RTTN: variants seen among roughly 807,000 people sequenced by gnomAD.
The protein encoded by RTTN is rotatin.
Under a neutral mutation model 269.2 loss-of-function variants are expected in RTTN, and 182 were observed. The ratio of observed to expected loss-of-function variants is 0.68; its 90% CI spans 0.60 to 0.76. RTTN has a LOEUF of 0.76. RTTN is among the 30% of genes least tolerant of loss of function. RTTN has a pLI of 0.00. For synonymous variants in RTTN, 1,006 were observed against 963.5 expected, an observed-to-expected ratio of 1.04 and a Z score of -0.82; for missense variants, 2,545 against 2,608.6, an observed-to-expected ratio of 0.98 and a Z score of 0.53.
At chr18:70,118,973 T>G (rs968838231) in intron 26 of RTTN, among the ~76,000 whole-genome samples, 2 of 152,056 alleles carry the variant, frequency 1.3e-5, no homozygotes, top group African/African-American at 2.4e-5. Context: ...ACAGCTAACA[T>G]CATTCTCAAT....
chr18:70,042,414 C>G (rs528987808), intron 40 of RTTN, among the ~76,000 whole-genome samples: 113 of 116,432 alleles, frequency 9.7e-4, no homozygotes, highest in Admixed American at 4.1e-3. Context: ...CTCGCTCTGT[C>G]GCCCAGGATA....
intron 32 of RTTN, among the ~76,000 whole-genome samples, chr18:70,080,918 G>A (rs1436842213): frequency 7.0e-6 from 1 of 142,104 alleles, no homozygotes; most frequent in African/African-American, 2.6e-5. Context: ...ATAAACTGGT[G>A]TGTGTGGTAT....
intron 11 of RTTN, among the ~76,000 whole-genome samples, chr18:70,171,337 A>G (rs960686415): frequency 6.6e-6 from 1 of 152,232 alleles, no homozygotes; most frequent in Non-Finnish European, 1.5e-5. Context: ...GTTCTAGTTT[A>G]AGAGAGTTCT....
chr18:70,030,828 T>C (rs1475611726), intron 41 of RTTN, 48 bp downstream of exon 41: 7 of 1,342,696 alleles, frequency 5.2e-6, no homozygotes, highest in African/African-American at 4.4e-5. Flanking sequence ...CAACAAAACA[T>C]ATGAATTGAT....
rs921101519 is a variant in RTTN at position 70,182,446 on chromosome 18, T to G, written c.1306-5601A>C. 7.2e-5 allele frequency among the ~76,000 whole-genome samples: 11 copies of G among 152,188 alleles called. No homozygotes were observed. The South Asian group carries it at 8.3e-4, about 11-fold the overall frequency. ...ACGTAAGAGTCAATATATATTTTTATGACTAATAAATTTTGATTCTACTGC... is the reference window on the plus strand; with the variant it reads ...ACGTAAGAGTCAATATATATTTTTAGGACTAATAAATTTTGATTCTACTGC... On this transcript the variant is annotated intron_variant, in intron 10 of 48. Coordinates refer to ENST00000640769, the MANE Select transcript of RTTN (RefSeq NM_173630.4).
At chr18:70,008,725 G>C (rs1207134486) in intron 46 of RTTN, 2 of 151,594 alleles carry the variant, frequency 1.3e-5, no homozygotes, top group Non-Finnish European at 2.9e-5. Flanking sequence ...AAAAGAAAAG[G>C]AATGAACAAA....
chr18:70,146,100 C>G (rs919370852), intron 17 of RTTN, among the ~76,000 whole-genome samples: 1 of 152,128 alleles, frequency 6.6e-6, no homozygotes, highest in African/African-American at 2.4e-5. Flanking sequence ...CTCCTGTCTT[C>G]AAATCTAGTG....
intron 34 of RTTN, among the ~76,000 whole-genome samples, chr18:70,070,308 G>C (rs1365993174): frequency 6.6e-6 from 1 of 152,176 alleles, no homozygotes; most frequent in Non-Finnish European, 1.5e-5. Context: ...TAATCCACAG[G>C]TAGCTGAAAT....
intron 40 of RTTN, among the ~76,000 whole-genome samples, chr18:70,041,001 C>T (rs1295156770): frequency 6.6e-6 from 1 of 152,022 alleles, no homozygotes; most frequent in Non-Finnish European, 1.5e-5. Context: ...GGACGGAACA[C>T]CTGAGGTCAG....
At chr18:70,140,690 T>C (rs117894453) in intron 19 of RTTN, among the ~76,000 whole-genome samples, 7 of 148,526 alleles carry the variant, frequency 4.7e-5, no homozygotes, top group Non-Finnish European at 1.1e-4. Context: ...TATAATACAC[T>C]ATATATTTCT....
intron 46 of RTTN, among the ~76,000 whole-genome samples, chr18:70,012,011 A>G (rs1490710478): frequency 1.4e-5 from 2 of 144,046 alleles, no homozygotes; most frequent in African/African-American, 2.6e-5. Context: ...GCTCACTGGT[A>G]TTGGTTACAG....
At chr18:70,069,106 T>C (rs959317774) in intron 34 of RTTN, among the ~76,000 whole-genome samples, 3 of 152,082 alleles carry the variant, frequency 2.0e-5, no homozygotes, top group African/African-American at 7.2e-5. Context: ...ATGGTGAATA[T>C]GGTTAATATG....
At chr18:70,166,732 AATATAACAG>A in intron 13 of RTTN, 178 bp downstream of exon 13, 1 of 458,918 alleles carries the variant, frequency 2.2e-6, no homozygotes, top group Non-Finnish European at 3.8e-6. Context: ...TTTAATCTTG[AATATAACAG>A]TTAAGTATCC....
intron 28 of RTTN, among the ~76,000 whole-genome samples, chr18:70,106,257 ATCACTTGGGC>A (rs2059318128): frequency 6.6e-6 from 1 of 152,204 alleles, no homozygotes. Flanking sequence ...AGGTGGGAAG[ATCACTTGGGC>A]TCAGGAGGTT....
rs1395709267 is a variant in RTTN, at chr18:70,092,940, TA to T, written c.3904-137del. ...TTGTAATATTTTTAGTTTATATACT[TA>T]AAAATGAATAAGATGGTAAATTTTA... On this transcript the variant is annotated intron_variant, in intron 28 of 48. Transcript: ENST00000640769. 26 of 678,284 alleles carry T rather than the reference TA, an allele frequency of 3.8e-5. No individual in the cohort carries two copies. The African/African-American group carries it at 4.6e-4, about 12-fold the overall frequency. The allele number at this position is 678,284 out of a possible 1,614,324, so 42.0% of individuals were successfully genotyped here. A position where few individuals can be genotyped will look rare whatever the true frequency, so the allele number is the denominator to read the frequency against.
At chr18:70,097,033 A>G (rs552108756) in intron 28 of RTTN, among the ~76,000 whole-genome samples, 2 of 152,324 alleles carry the variant, frequency 1.3e-5, no homozygotes, top group African/African-American at 2.4e-5. Context: ...CTGTGTAATG[A>G]TTTTTAATTC....
chr18:70,162,408 G>A (rs553888253), intron 14 of RTTN, among the ~76,000 whole-genome samples: 1 of 152,246 alleles, frequency 6.6e-6, no homozygotes, highest in Non-Finnish European at 1.5e-5. Context: ...ACTGCTATAA[G>A]GACATACCCG....
chr18:70,016,273 C>T (rs1444159195), intron 46 of RTTN, among the ~76,000 whole-genome samples: 1 of 152,090 alleles, frequency 6.6e-6, no homozygotes, highest in African/African-American at 2.4e-5. Flanking sequence ...CAGAAAAATG[C>T]TTCTGAGAAA....
At chr18:70,105,100 A>C (rs551653406) in intron 28 of RTTN, among the ~76,000 whole-genome samples, 1 of 152,144 alleles carries the variant, frequency 6.6e-6, no homozygotes, top group African/African-American at 2.4e-5. Flanking sequence ...CCAGAAGTGG[A>C]GTCTACAGAG....
Sources: allele counts gnomAD v4.1 joint callset (sites outside exome capture counted in the v4.1 genomes callset), GRCh38; gene constraint gnomAD v4.1.1; transcripts MANE v1.5; gene names NCBI Gene and HGNC (gene_info 2026-07-23, HGNC 2026-07-21).